CTNNA3: variants seen among roughly 807,000 people sequenced by gnomAD.
CTNNA3 encodes the protein catenin alpha 3, also known as catenin alpha-3.
Under a neutral mutation model 95.7 loss-of-function variants are expected in CTNNA3, and 76 were observed. The observed-to-expected ratio is 0.79, with a 90% CI of 0.66 to 0.96. The LOEUF is 0.96. Among genes scored for constraint, CTNNA3 ranks in the 40% least tolerant of loss-of-function variants. The pLI is 0.00. For missense variants in CTNNA3, 1,191 were observed against 1,089.8 expected (o/e 1.09, Z -1.31); for synonymous variants, 431 against 374.4 (o/e 1.15, Z -1.74).
chr10:66,006,028 T>C (rs1465263323), intron 15 of CTNNA3, among the ~76,000 whole-genome samples: 4 of 143,318 alleles, frequency 2.8e-5, no homozygotes, highest in East Asian at 2.1e-4. Flanking sequence ...TTTTTTTTTT[T>C]CCGAGAGGGA....
chr10:66,561,862 C>A (rs981248336), intron 10 of CTNNA3, among the ~76,000 whole-genome samples: 7 of 151,964 alleles, frequency 4.6e-5, no homozygotes, highest in African/African-American at 1.7e-4. Context: ...CATTATCCTA[C>A]ATGATTTGAA....
At chr10:66,568,300 G>C (rs914293370) in intron 10 of CTNNA3, among the ~76,000 whole-genome samples, 18 of 152,266 alleles carry the variant, frequency 1.2e-4, no homozygotes, top group African/African-American at 3.9e-4. Context: ...CCTGATTGTA[G>C]ACAGTGTCCC....
At chr10:67,030,512 A>T (rs1853648822) in intron 7 of CTNNA3, among the ~76,000 whole-genome samples, 1 of 152,048 alleles carries the variant, frequency 6.6e-6, no homozygotes, top group African/African-American at 2.4e-5. Context: ...ATAAATACAT[A>T]AATTAATACT....
At chr10:66,048,900 C>T (rs2133527909) in intron 15 of CTNNA3, among the ~76,000 whole-genome samples, 1 of 152,236 alleles carries the variant, frequency 6.6e-6, no homozygotes, top group East Asian at 1.9e-4. Flanking sequence ...ATGATGAAGA[C>T]ACCAAAAGCA....
chr10:67,584,053 C>G (rs1248691099), intron 3 of CTNNA3, among the ~76,000 whole-genome samples: 2 of 152,072 alleles, frequency 1.3e-5, no homozygotes, highest in African/African-American at 4.8e-5. Context: ...CATCTGAAGC[C>G]TTTTTCTCTC....
intron 7 of CTNNA3, among the ~76,000 whole-genome samples, chr10:67,077,926 G>T (rs192540248): frequency 3.8e-4 from 58 of 152,254 alleles, no homozygotes; most frequent in African/African-American, 1.3e-3. Flanking sequence ...GAAGGGGACA[G>T]AGAGAGAATA....
chr10:66,394,134 A>T (rs982909603), intron 11 of CTNNA3, among the ~76,000 whole-genome samples: 1 of 152,064 alleles, frequency 6.6e-6, no homozygotes, highest in African/African-American at 2.4e-5. Context: ...ATAATCATCT[A>T]TGCATTTTAG....
intron 13 of CTNNA3, among the ~76,000 whole-genome samples, chr10:66,219,255 T>C (rs1025298113): frequency 6.6e-6 from 1 of 151,796 alleles, no homozygotes; most frequent in African/African-American, 2.4e-5. Context: ...TGGGAAAGGG[T>C]GAGTGTGTTT....
At chr10:67,469,296 GA>G (rs1287923064) in intron 5 of CTNNA3, among the ~76,000 whole-genome samples, 20 of 152,204 alleles carry the variant, frequency 1.3e-4, no homozygotes, top group African/African-American at 4.3e-4. Context: ...TATACTAAAT[GA>G]AATAATAGAA....
intron 7 of CTNNA3, among the ~76,000 whole-genome samples, chr10:66,933,007 A>G (rs1182556279): frequency 1.3e-5 from 2 of 152,212 alleles, no homozygotes; most frequent in Non-Finnish European, 2.9e-5. Context: ...CATATGTAAC[A>G]CAGATGTGTA....
chr10:67,085,677 C>T (rs961879858), intron 7 of CTNNA3, among the ~76,000 whole-genome samples: 1 of 151,850 alleles, frequency 6.6e-6, no homozygotes, highest in Non-Finnish European at 1.5e-5. Context: ...TAGCTCATCC[C>T]TTATTATGAT....
At chr10:67,737,681 A>G (rs1314922533) in intron 1 of CTNNA3, among the ~76,000 whole-genome samples, 1 of 152,204 alleles carries the variant, frequency 6.6e-6, no homozygotes, top group Non-Finnish European at 1.5e-5. Context: ...CCATCAGAGA[A>G]ATGCAAATCA....
intron 11 of CTNNA3, among the ~76,000 whole-genome samples, chr10:66,466,320 A>C (rs1443357685): frequency 7.0e-6 from 1 of 142,062 alleles, no homozygotes; most frequent in Non-Finnish European, 1.5e-5. Flanking sequence ...CCACACACAC[A>C]CATACACGCA....
intron 13 of CTNNA3, among the ~76,000 whole-genome samples, chr10:66,134,356 T>C (rs907617968): frequency 4.6e-5 from 7 of 152,164 alleles, no homozygotes; most frequent in Non-Finnish European, 1.0e-4. Context: ...TTTTCTAAGA[T>C]ACAAATCAAT....
chr10:67,290,095 C>T (rs1409216754), intron 5 of CTNNA3, among the ~76,000 whole-genome samples: 1 of 152,154 alleles, frequency 6.6e-6, no homozygotes, highest in Non-Finnish European at 1.5e-5. Context: ...TGTGAGCTAC[C>T]ATGCCTCACC....
intron 5 of CTNNA3, among the ~76,000 whole-genome samples, chr10:67,267,364 ATCT>A (rs983603714): frequency 2.0e-5 from 3 of 152,040 alleles, no homozygotes; most frequent in East Asian, 1.9e-4. Context: ...TTAAATTATA[ATCT>A]TCTTTTTTTG....
intron 5 of CTNNA3, among the ~76,000 whole-genome samples, chr10:67,323,535 C>G (rs1841413315): frequency 6.6e-6 from 1 of 151,922 alleles, no homozygotes; most frequent in Non-Finnish European, 1.5e-5. Flanking sequence ...AGGTGTGTGG[C>G]CTTATTTCTG....
intron 3 of CTNNA3, among the ~76,000 whole-genome samples, chr10:67,593,611 T>C (rs1052416545): frequency 2.0e-5 from 3 of 152,198 alleles, no homozygotes; most frequent in Admixed American, 6.6e-5. Flanking sequence ...TGATTTTGTA[T>C]CCTGAAAGTT....
chr10:66,157,080 T>C (rs2084547387), intron 13 of CTNNA3, among the ~76,000 whole-genome samples: 1 of 151,868 alleles, frequency 6.6e-6, no homozygotes, highest in South Asian at 2.1e-4. Context: ...GGGGTACAAG[T>C]GGTATTGGTT....
Sources: allele counts gnomAD v4.1 joint callset (sites outside exome capture counted in the v4.1 genomes callset), GRCh38; gene constraint gnomAD v4.1.1; transcripts MANE v1.5; gene names NCBI Gene and HGNC (gene_info 2026-07-23, HGNC 2026-07-21).